The following APBA2 variants were observed in gnomAD, a reference collection of about 807,000 sequenced individuals.
The protein encoded by APBA2 is amyloid beta precursor protein binding family A member 2.
APBA2 carries 30 observed loss-of-function variants against 75.0 expected under a neutral mutation model. The ratio of observed to expected loss-of-function variants is 0.40; its 90% CI spans 0.30 to 0.54. The LOEUF (loss-of-function observed/expected upper bound fraction) is 0.54. Ranked by LOEUF, APBA2 falls within the 20% of genes least tolerant of loss-of-function variation. The probability of loss-of-function intolerance (pLI) is 0.49; values close to 1 mark genes in which losing one functional copy is unlikely to be tolerated. For missense variants in APBA2, 801 were observed against 1,016.1 expected, an observed-to-expected ratio of 0.79 and a Z score of 2.88; for synonymous variants, 444 against 409.6, an observed-to-expected ratio of 1.08 and a Z score of -1.01.
chr15:28,935,877 C>T (rs1233548820), intron 2 of APBA2, among the ~76,000 whole-genome samples: 5 of 152,240 alleles, frequency 3.3e-5, no homozygotes, highest in Non-Finnish European at 7.3e-5. Flanking sequence ...ATAGGTTATT[C>T]ATGCAGAGCT....
intron 3 of APBA2, among the ~76,000 whole-genome samples, chr15:29,040,406 A>G (rs1161970759): frequency 6.6e-6 from 1 of 152,202 alleles, no homozygotes; most frequent in Non-Finnish European, 1.5e-5. Flanking sequence ...AATCTTGGAG[A>G]GGGGAAATCT....
At chr15:28,973,659 A>G (rs530576347) in intron 2 of APBA2, among the ~76,000 whole-genome samples, 5 of 152,238 alleles carry the variant, frequency 3.3e-5, no homozygotes, top group Admixed American at 6.5e-5. Context: ...AAAAAATTGT[A>G]TATGTATGAC....
intron 3 of APBA2, among the ~76,000 whole-genome samples, chr15:29,009,534 C>G (rs2039294521): frequency 6.6e-6 from 1 of 152,126 alleles, no homozygotes; most frequent in African/African-American, 2.4e-5. Context: ...ATCACCACAA[C>G]CCAAGAATCT....
intron 2 of APBA2, among the ~76,000 whole-genome samples, chr15:28,939,780 G>A (rs1023042350): frequency 2.0e-5 from 3 of 152,196 alleles, no homozygotes; most frequent in Non-Finnish European, 4.4e-5. Context: ...CCCTGTGGGT[G>A]CAGCAGGGCC....
chr15:28,922,278 C>A (rs2034010805), intron 2 of APBA2, among the ~76,000 whole-genome samples: 1 of 152,170 alleles, frequency 6.6e-6, no homozygotes, highest in Non-Finnish European at 1.5e-5. Context: ...CTCAGCACCC[C>A]AGGCTGCTTG....
At chr15:29,110,804 C>T (rs1325582182) in intron 13 of APBA2, among the ~76,000 whole-genome samples, 1 of 152,188 alleles carries the variant, frequency 6.6e-6, no homozygotes, top group Non-Finnish European at 1.5e-5. Flanking sequence ...GCAGCCCAGC[C>T]AAGCCCAGGT....
At chr15:29,064,818 C>A (rs1176784643) in intron 4 of APBA2, among the ~76,000 whole-genome samples, 1 of 152,062 alleles carries the variant, frequency 6.6e-6, no homozygotes, top group Non-Finnish European at 1.5e-5. Flanking sequence ...TGTAGCAGGG[C>A]AGTTAGGAGA....
At chr15:29,009,267 A>G (rs1055422931) in intron 3 of APBA2, among the ~76,000 whole-genome samples, 2 of 152,130 alleles carry the variant, frequency 1.3e-5, no homozygotes, top group Admixed American at 1.3e-4. Context: ...CCCTCACTGT[A>G]ACAATCCACA....
chr15:28,906,185 A>ATT (rs1477331070), intron 1 of APBA2, among the ~76,000 whole-genome samples: 11 of 152,224 alleles, frequency 7.2e-5, no homozygotes, highest in Non-Finnish European at 1.2e-4. Flanking sequence ...TAGCAGCATT[A>ATT]TTCTTTTTTA....
intron 9 of APBA2, among the ~76,000 whole-genome samples, 166 bp from the exon 10 acceptor site, chr15:29,101,433 T>C (rs753527347): frequency 6.6e-6 from 1 of 152,154 alleles, no homozygotes; most frequent in Non-Finnish European, 1.5e-5. Flanking sequence ...GGTTTCACCA[T>C]GTTTGCCAGG....
At chr15:28,962,610 G>T (rs1025630742) in intron 2 of APBA2, among the ~76,000 whole-genome samples, 5 of 151,416 alleles carry the variant, frequency 3.3e-5, no homozygotes, top group African/African-American at 9.8e-5. Flanking sequence ...GACAGATTTT[G>T]CCATGTTGCC....
At chr15:29,079,873 G>C (rs1361740535) in intron 6 of APBA2, among the ~76,000 whole-genome samples, 1 of 152,144 alleles carries the variant, frequency 6.6e-6, no homozygotes, top group Non-Finnish European at 1.5e-5. Flanking sequence ...ACCCTCGTTG[G>C]GGCCTGGTGT....
rs937048 is a variant in APBA2, at chr15:28,991,563, C to T, written c.-94-4190C>T. 0.083 allele frequency among the ~76,000 whole-genome samples: 12,562 copies of T among 152,250 alleles called. 698 individuals carry two copies. Among genetic ancestry groups the T allele is most frequent in the East Asian group, 0.27 (1,388 of 5,156 alleles). On this transcript the variant is annotated intron_variant, in intron 2 of 14. Coordinates refer to ENST00000683413, the MANE Select transcript of APBA2 (RefSeq NM_001353788.2). The surrounding 1 kb of genome is among the most constrained non-coding windows in gnomAD (Gnocchi z 4.7). ...CGAAGGCCATGTGAGTGTGAACCCC[C>T]ATTACAAGCTTTCCCTCATGAGATG...
At chr15:28,902,802 C>T (rs971331369) in intron 1 of APBA2, among the ~76,000 whole-genome samples, 1 of 152,116 alleles carries the variant, frequency 6.6e-6, no homozygotes, top group African/African-American at 2.4e-5. Flanking sequence ...GACCTTGGCT[C>T]CAAACCTCAC....
At chr15:28,963,447 G>A (rs2036579146) in intron 2 of APBA2, among the ~76,000 whole-genome samples, 1 of 152,176 alleles carries the variant, frequency 6.6e-6, no homozygotes, top group African/African-American at 2.4e-5. Context: ...CCTGAAAGAT[G>A]AGAAGTGGAG....
At chr15:29,111,080 A>AG in intron 13 of APBA2, among the ~76,000 whole-genome samples, 1 of 152,164 alleles carries the variant, frequency 6.6e-6, no homozygotes, top group South Asian at 2.1e-4. Flanking sequence ...GCCTGCAGTG[A>AG]GGAAGGAGTC....
At chr15:29,020,434 C>A (rs2039893277) in intron 3 of APBA2, among the ~76,000 whole-genome samples, 1 of 151,872 alleles carries the variant, frequency 6.6e-6, no homozygotes, top group African/African-American at 2.4e-5. Flanking sequence ...TTTAAAAAAC[C>A]AGTCTGTTGA....
rs202068726 is a variant in APBA2 at position 28,892,635 on chromosome 15, GTA to G, written c.-205+6361_-205+6362del. Among the ~76,000 whole-genome samples, 1,200 of 145,590 alleles carry G rather than the reference GTA, an allele frequency of 8.2e-3. 6 individuals carry two copies. Among genetic ancestry groups the G allele is most frequent in the Admixed American group, 0.013 (185 of 14,066 alleles). On this transcript the variant is annotated intron_variant, in intron 1 of 14. Transcript: ENST00000683413. ...GCCATTAAGCGATGCATAACTGTGT[GTA>G]TATGTGTGTGTGTGTGTGTGTATGT... is the stretch of plus-strand genomic sequence containing the variant.
intron 3 of APBA2, among the ~76,000 whole-genome samples, chr15:29,001,624 T>G (rs2038851914): frequency 6.6e-6 from 1 of 152,188 alleles, no homozygotes; most frequent in South Asian, 2.1e-4. Flanking sequence ...GTAGCACATG[T>G]GAGTTTTCCC....
Sources: allele counts gnomAD v4.1 joint callset (sites outside exome capture counted in the v4.1 genomes callset), GRCh38; gene constraint gnomAD v4.1.1; non-coding constraint Gnocchi (gnomAD v3.1); transcripts MANE v1.5; gene names NCBI Gene and HGNC (gene_info 2026-07-23, HGNC 2026-07-21).